Variants in VDAC1 observed in about 807,000 individuals in gnomAD.
VDAC1 encodes non-selective voltage-gated ion channel VDAC1.
A neutral mutation model predicts 34.7 loss-of-function variants in VDAC1; 10 were observed. The ratio of observed to expected loss-of-function variants is 0.29; its 90% confidence interval spans 0.18 to 0.49. The LOEUF (loss-of-function observed/expected upper bound fraction) is 0.49, where lower values mean the gene tolerates loss of function less well. Among genes scored for constraint, VDAC1 ranks in the 20% least tolerant of loss-of-function variants. The pLI, the probability that VDAC1 is intolerant of heterozygous loss-of-function variation, is 0.99. For missense variants in VDAC1, 230 were observed against 347.9 expected, an observed-to-expected ratio of 0.66 and a Z score of 2.69; for synonymous variants, 130 against 136.0, an observed-to-expected ratio of 0.96 and a Z score of 0.30.
chr5:133,977,061 A>C (rs1264814334), intron 6 of VDAC1, among the ~76,000 whole-genome samples: 2 of 152,214 alleles, frequency 1.3e-5, no homozygotes, highest in East Asian at 3.8e-4. Context: ...AAAAGTAAAA[A>C]TAAAAAATGT....
chr5:134,109,916 C>T, the VDAC1 span, among the ~76,000 whole-genome samples: 3 of 152,316 alleles, frequency 2.0e-5, no homozygotes, highest in South Asian at 6.2e-4. Flanking sequence ...CACTCCCGAC[C>T]CCTTGGACAA....
At chr5:134,098,173 TTATTATTATTATTA>T in the VDAC1 span, among the ~76,000 whole-genome samples, 1 of 2,224 alleles carries the variant, frequency 4.5e-4, no homozygotes, top group East Asian at 0.023. Flanking sequence ...GCCCTGCTTA[TTATTATTATTATTA>T]TTATTATTAT....
chr5:134,085,722 T>TA, the VDAC1 span, among the ~76,000 whole-genome samples: 3,784 of 44,146 alleles, frequency 0.086, 447 homozygotes, highest in African/African-American at 0.19. Flanking sequence ...ACCCCATTTC[T>TA]AAAAAAAAAA....
chr5:134,056,743 T>C, the VDAC1 span, among the ~76,000 whole-genome samples: 1 of 152,240 alleles, frequency 6.6e-6, no homozygotes, highest in East Asian at 1.9e-4. Flanking sequence ...TGGAGTGCAA[T>C]GGCACGATCT....
the VDAC1 span, among the ~76,000 whole-genome samples, chr5:134,081,598 G>A: frequency 2.0e-5 from 3 of 152,212 alleles, no homozygotes; most frequent in Admixed American, 2.0e-4. Flanking sequence ...TTTTTCTTTT[G>A]ACAAAAGGTA....
chr5:134,010,939 T>G, the VDAC1 span, among the ~76,000 whole-genome samples: 1 of 149,856 alleles, frequency 6.7e-6, no homozygotes, highest in Non-Finnish European at 1.5e-5. Context: ...ACCCAACACC[T>G]CCCAAAGTTT....
the VDAC1 span, among the ~76,000 whole-genome samples, chr5:134,061,937 C>T: frequency 6.6e-6 from 1 of 151,528 alleles, no homozygotes; most frequent in Non-Finnish European, 1.5e-5. Flanking sequence ...TTGGGAAGTT[C>T]CCTTCAATTC....
chr5:133,998,859 ACTC>A lies in VDAC1; in HGVS notation c.-6-5844_-6-5842del, dbSNP rs1308017014. Among the ~76,000 whole-genome samples the A allele has an allele frequency of 2.6e-5, 4 of 151,896 alleles. 1 individual carries two copies. The highest frequency in any genetic ancestry group is 6.8e-3 in the Middle Eastern group (2 of 294). ...AGAAGAGCCTGCCAGAAGAGATGGA[ACTC>A]CTCCTGCCCTACCTCTCAGCCTGTG... On this transcript the variant is annotated intron_variant, in intron 1 of 8. Coordinates refer to ENST00000265333, the MANE Select transcript of VDAC1 (RefSeq NM_003374.3).
At chr5:134,065,623 G>A in the VDAC1 span, among the ~76,000 whole-genome samples, 1 of 151,838 alleles carries the variant, frequency 6.6e-6, no homozygotes, top group African/African-American at 2.4e-5. Context: ...TTATAGACAT[G>A]AGCCACTGTG....
chr5:134,044,622 A>AT, the VDAC1 span, among the ~76,000 whole-genome samples: 1 of 151,488 alleles, frequency 6.6e-6, no homozygotes, highest in Non-Finnish European at 1.5e-5. Context: ...TGTGCACATA[A>AT]CTGTGTGTGT....
chr5:133,973,783 A>G lies in VDAC1; in HGVS notation c.760+8T>C, dbSNP rs1337763958. 2 of 1,611,100 alleles carry G rather than the reference A, an allele frequency of 1.2e-6. No homozygotes were observed. The highest frequency in any genetic ancestry group is 1.3e-5 in the African/African-American group (1 of 74,814). Reference sequence around the variant, plus strand: ...AAAGAACCGATTTCACACACAAGCAACACATACCTGGCTTTAGAGTCTGAG... The same window carrying G: ...AAAGAACCGATTTCACACACAAGCAGCACATACCTGGCTTTAGAGTCTGAG... On this transcript the variant is annotated splice_region_variant and intron_variant, in intron 8 of 8. Coordinates refer to ENST00000265333, the MANE Select transcript of VDAC1 (RefSeq NM_003374.3).
At chr5:134,060,785 T>A in the VDAC1 span, among the ~76,000 whole-genome samples, 1 of 151,710 alleles carries the variant, frequency 6.6e-6, no homozygotes, top group East Asian at 1.9e-4. Context: ...ATTCTATATG[T>A]ATTATGTATA....
the VDAC1 span, among the ~76,000 whole-genome samples, chr5:134,021,613 T>C: frequency 6.6e-6 from 1 of 151,022 alleles, no homozygotes; most frequent in Admixed American, 6.6e-5. Flanking sequence ...ACCAAGGTCT[T>C]AAGAGACACA....
the VDAC1 span, among the ~76,000 whole-genome samples, chr5:134,106,557 G>A: frequency 5.1e-3 from 770 of 152,066 alleles, 3 homozygotes; most frequent in Non-Finnish European, 8.5e-3. Flanking sequence ...ACAGGTGCGC[G>A]CCTCCACACC....
At chr5:134,061,626 G>C in the VDAC1 span, among the ~76,000 whole-genome samples, 2 of 151,660 alleles carry the variant, frequency 1.3e-5, no homozygotes, top group Admixed American at 1.3e-4. Flanking sequence ...TCCTGCCTCA[G>C]CCCCCAAGAA....
At chr5:133,983,164 A>C (rs1054119851) in intron 5 of VDAC1, among the ~76,000 whole-genome samples, 10 of 151,354 alleles carry the variant, frequency 6.6e-5, no homozygotes, top group African/African-American at 2.4e-4. Flanking sequence ...CAGGACAATC[A>C]CTTGAACCCG....
intron 1 of VDAC1, among the ~76,000 whole-genome samples, chr5:133,997,387 A>G (rs1002942575): frequency 6.6e-6 from 1 of 152,126 alleles, no homozygotes; most frequent in African/African-American, 2.4e-5. Flanking sequence ...ATACTTGCAA[A>G]CTAAGGAGTA....
chr5:134,033,706 A>T, the VDAC1 span, among the ~76,000 whole-genome samples: 1 of 151,406 alleles, frequency 6.6e-6, no homozygotes, highest in East Asian at 1.9e-4. Context: ...AAGAGTCGAA[A>T]TATAGGCCGG....
At chr5:133,981,101 T>C in intron 5 of VDAC1, 145 bp from the exon 6 acceptor site, 1 of 648,778 alleles carries the variant, frequency 1.5e-6, no homozygotes, top group South Asian at 2.0e-5. Flanking sequence ...AAGCCACTGC[T>C]GTACCACAAT....
Sources: allele counts gnomAD v4.1 joint callset (sites outside exome capture counted in the v4.1 genomes callset), GRCh38; gene constraint gnomAD v4.1.1; transcripts MANE v1.5; gene names NCBI Gene and HGNC (gene_info 2026-07-23, HGNC 2026-07-21).